The following PBX4 variants were observed in gnomAD, a reference collection of about 807,000 sequenced individuals.
The protein encoded by PBX4 is PBX homeobox 4.
PBX4 carries 26 observed loss-of-function variants against 35.1 expected under a neutral mutation model. That is an observed-to-expected ratio of 0.74 (90% CI 0.54 to 1.03). The LOEUF (loss-of-function observed/expected upper bound fraction) is 1.03. Among genes scored for constraint, PBX4 ranks in the 50% least tolerant of loss-of-function variants. The pLI is 0.00. For missense variants in PBX4, 448 were observed against 504.3 expected (o/e 0.89, Z 1.07); for synonymous variants, 199 against 204.2 (o/e 0.97, Z 0.22).
chr19:19,603,602 G>A (rs1458231810), intron 1 of PBX4, among the ~76,000 whole-genome samples: 1 of 152,116 alleles, frequency 6.6e-6, no homozygotes, highest in Admixed American at 6.6e-5. Flanking sequence ...AAAGATAGGA[G>A]GTACTAGCAC....
rs771225104 is a variant in PBX4, at chr19:19,562,117, C to A, written c.1033G>T (p.Ala345Ser). The change falls in exon 8 of 8, where the codon GCC becomes TCC. Residue 345 changes from alanine (A) to serine (S), a missense_variant and splice_region_variant. By Grantham distance (99) the Ala-to-Ser change is moderately conservative. Transcript: ENST00000251203. This position sits in a 1 kb window ranked among gnomAD's most constrained non-coding sequence, Gnocchi z 4.8. ...GTGGCCCCCTGCCAGCTACCCTGGG[C>A]CTGAAACGACAGAGACTGAGCATCA... ...PPGGGCLQSQ[A>S]QGSWQGATPQ... The A allele has an allele frequency of 2.5e-6, 4 of 1,607,720 alleles. No homozygotes were observed. The South Asian group carries it at 4.4e-5, about 18-fold the overall frequency.
At chr19:19,610,481 G>T (rs2061657417) in intron 1 of PBX4, among the ~76,000 whole-genome samples, 1 of 151,984 alleles carries the variant, frequency 6.6e-6, no homozygotes, top group East Asian at 1.9e-4. Flanking sequence ...TGGGCAAAGT[G>T]GCTCACACCT....
At position 19,563,993 on chromosome 19, in the gene PBX4, T is replaced by A. The variant is rs1000065171; in HGVS notation, c.926-378A>T. ...CAGATAATTTGTTTTTTCTTTCTTT[T>A]TTTTTATTATTATTATACTTTAAGT... is the stretch of plus-strand genomic sequence containing the variant. On this transcript the variant is annotated intron_variant, in intron 6 of 7. Coordinates refer to ENST00000251203, the MANE Select transcript of PBX4 (RefSeq NM_025245.3). The surrounding 1 kb of genome is among the most constrained non-coding windows in gnomAD (Gnocchi z 5.1). Among the ~76,000 whole-genome samples, 3 of 152,066 alleles carry A rather than the reference T, an allele frequency of 2.0e-5. No individual in the cohort carries two copies. The highest frequency in any genetic ancestry group is 1.3e-4 in the Admixed American group (2 of 15,258).
rs1166810026 is a variant in PBX4, at chr19:19,563,320, G to A, written c.1032+189C>T. 6.6e-6 allele frequency among the ~76,000 whole-genome samples: 1 copy of A among 152,184 alleles called. No homozygotes were observed. The highest frequency in any genetic ancestry group is 1.9e-4 in the East Asian group (1 of 5,190). ...CTGCCGTGGTGACAAGTGGAGGTGG[G>A]GGAGGGCACAGTCATTACAGAGTGG... On this transcript the variant is annotated intron_variant, in intron 7 of 7. Coordinates refer to ENST00000251203, the MANE Select transcript of PBX4 (RefSeq NM_025245.3). This position sits in a 1 kb window ranked among gnomAD's most constrained non-coding sequence, Gnocchi z 5.1.
At chr19:19,588,919 T>C (rs1437030035) in intron 2 of PBX4, among the ~76,000 whole-genome samples, 1 of 152,076 alleles carries the variant, frequency 6.6e-6, no homozygotes, top group Non-Finnish European at 1.5e-5. Flanking sequence ...GAGGATTGCT[T>C]GAGGACAAGA....
chr19:19,606,531 CTG>C (rs1486894402), intron 1 of PBX4: 1 of 152,302 alleles, frequency 6.6e-6, no homozygotes, highest in African/African-American at 2.4e-5. Context: ...CCCAAGGAAA[CTG>C]TGAGATAATA....
chr19:19,567,340 T>G (rs1042033309), intron 5 of PBX4, among the ~76,000 whole-genome samples: 2 of 152,218 alleles, frequency 1.3e-5, no homozygotes, highest in African/African-American at 4.8e-5. Flanking sequence ...GACCTCAGGA[T>G]GTTTTGCTGC....
chr19:19,618,168 CA>C (rs1901556506), intron 1 of PBX4, among the ~76,000 whole-genome samples: 1 of 152,018 alleles, frequency 6.6e-6, no homozygotes, highest in East Asian at 1.9e-4. Flanking sequence ...CAAACAACAA[CA>C]AAAAAACTTC....
At chr19:19,597,099 G>A (rs1160330032) in intron 2 of PBX4, among the ~76,000 whole-genome samples, 1 of 151,758 alleles carries the variant, frequency 6.6e-6, no homozygotes, top group Non-Finnish European at 1.5e-5. Context: ...CTGTAATCCC[G>A]GCTACTCAGA....
At position 19,570,300 on chromosome 19, in the gene PBX4, CTGGGG is replaced by C. The variant is rs759982431; in HGVS notation, c.442-6_442-2del. 6.3e-7 allele frequency: 1 copy of C among 1,596,912 alleles called. No homozygotes were observed. Among genetic ancestry groups the C allele is most frequent in the Non-Finnish European group, 8.6e-7 (1 of 1,168,890 alleles). On this transcript the variant is annotated splice_acceptor_variant and splice_polypyrimidine_tract_variant and intron_variant, in intron 3 of 7. Coordinates refer to ENST00000251203, the MANE Select transcript of PBX4 (RefSeq NM_025245.3). LOFTEE classifies it high-confidence loss of function. Reference sequence around the variant, plus strand: ...CGTGCGTGGTGAACTCACGACAGGCCTGGGGTGGGAGCACAGACACGCCGGCCTGT... The same window carrying C: ...CGTGCGTGGTGAACTCACGACAGGCCTGGGAGCACAGACACGCCGGCCTGT...
intron 2 of PBX4, among the ~76,000 whole-genome samples, chr19:19,592,526 G>C (rs577701426): frequency 6.6e-6 from 1 of 152,222 alleles, no homozygotes; most frequent in Admixed American, 6.5e-5. Flanking sequence ...CCATTCCTGG[G>C]GTTCACCAGG....
intron 6 of PBX4, chr19:19,564,700 C>T (rs2061330052): frequency 2.3e-5 from 13 of 559,636 alleles, no homozygotes; most frequent in East Asian, 3.1e-5. Context: ...CGCACCCAGA[C>T]CTTTCATGTC....
In PBX4 at chr19:19,561,878, C is replaced by A; in HGVS notation, c.*147G>T. 2 of 604,300 alleles carry A rather than the reference C, an allele frequency of 3.3e-6. No individual in the cohort carries two copies. The highest frequency in any genetic ancestry group is 2.3e-5 in the South Asian group (1 of 43,766). 37.4% of individuals were successfully genotyped at this position (604,300 alleles called of 1,614,324 possible). ...GTCGCAGCAGACACATGAGCCGGCG[C>A]CACGGGCCTGGCTGAGGAGCAGGGG... On this transcript the variant is annotated 3_prime_UTR_variant, in exon 8 of 8. Transcript: ENST00000251203.
At chr19:19,592,529 T>A (rs543973613) in intron 2 of PBX4, among the ~76,000 whole-genome samples, 1 of 152,246 alleles carries the variant, frequency 6.6e-6, no homozygotes, top group African/African-American at 2.4e-5. Flanking sequence ...TTCCTGGGGT[T>A]CACCAGGGAC....
At chr19:19,602,055 C>T (rs1226602668) in intron 1 of PBX4, among the ~76,000 whole-genome samples, 3 of 151,172 alleles carry the variant, frequency 2.0e-5, no homozygotes, top group Non-Finnish European at 3.0e-5. Flanking sequence ...GCCCAGGCTG[C>T]GCTCAGCCAA....
chr19:19,581,139 C>T (rs1427683144), intron 2 of PBX4, among the ~76,000 whole-genome samples: 11 of 152,218 alleles, frequency 7.2e-5, no homozygotes, highest in Admixed American at 3.9e-4. Context: ...CACCAGCATC[C>T]GCACATGGAA....
At chr19:19,610,517 G>A (rs73537224) in intron 1 of PBX4, among the ~76,000 whole-genome samples, 85 of 152,196 alleles carry the variant, frequency 5.6e-4, no homozygotes, top group South Asian at 1.7e-3. Flanking sequence ...TGGGGAATCC[G>A]AGGCGGGATA....
chr19:19,614,361 C>G lies in PBX4; in HGVS notation c.119+4150G>C, dbSNP rs1485832790. Reference sequence around the variant, plus strand: ...ACAAACAAACAAACATGGCCCGGCGCAGTGGCTCACGCCTGTAATCCCAAC... The same window carrying G: ...ACAAACAAACAAACATGGCCCGGCGGAGTGGCTCACGCCTGTAATCCCAAC... On this transcript the variant is annotated intron_variant, in intron 1 of 7. Coordinates refer to ENST00000251203, the MANE Select transcript of PBX4 (RefSeq NM_025245.3). Among the ~76,000 whole-genome samples the G allele has an allele frequency of 2.6e-5, 4 of 151,456 alleles. No homozygotes were observed. In the East Asian group the frequency reaches 7.8e-4, roughly 30 times the overall value.
chr19:19,595,042 A>G (rs1170952427), intron 2 of PBX4, among the ~76,000 whole-genome samples: 1 of 152,162 alleles, frequency 6.6e-6, no homozygotes, highest in African/African-American at 2.4e-5. Context: ...ACTTTTTAAA[A>G]TAGTTTTTTA....
Sources: allele counts gnomAD v4.1 joint callset (sites outside exome capture counted in the v4.1 genomes callset), GRCh38; gene constraint gnomAD v4.1.1; non-coding constraint Gnocchi (gnomAD v3.1); transcripts MANE v1.5; gene names NCBI Gene and HGNC (gene_info 2026-07-23, HGNC 2026-07-21).